Variants in DPF3 observed in about 807,000 individuals in gnomAD.
DPF3 encodes the protein zinc finger protein DPF3.
A neutral mutation model predicts 56.8 loss-of-function variants in DPF3; 18 were observed. The observed-to-expected ratio is 0.32, with a 90% confidence interval of 0.22 to 0.47. The LOEUF (loss-of-function observed/expected upper bound fraction) is 0.47. DPF3 is among the 20% of genes least tolerant of loss of function. DPF3 has a pLI of 1.00. For synonymous variants in DPF3, 188 were observed against 180.2 expected (o/e 1.04, Z -0.35); for missense variants, 403 against 488.8 (o/e 0.82, Z 1.65).
chr14:72,801,965 T>C (rs972165997), intron 1 of DPF3, among the ~76,000 whole-genome samples: 1 of 152,180 alleles, frequency 6.6e-6, no homozygotes, highest in African/African-American at 2.4e-5. Context: ...TGGGGATTGA[T>C]ACCACCCCTG....
chr14:72,703,442 C>G (rs1030781019), intron 6 of DPF3, among the ~76,000 whole-genome samples: 1 of 152,168 alleles, frequency 6.6e-6, no homozygotes, highest in African/African-American at 2.4e-5. Flanking sequence ...TGAGGAAGAA[C>G]AGAGACAAGC....
At chr14:72,685,488 TC>T (rs1183625595) in intron 7 of DPF3, among the ~76,000 whole-genome samples, 2 of 152,226 alleles carry the variant, frequency 1.3e-5, no homozygotes, top group African/African-American at 4.8e-5. Context: ...TTTCCCTCTT[TC>T]CTCTTCTACG....
At chr14:72,739,872 G>A (rs75394719) in intron 3 of DPF3, among the ~76,000 whole-genome samples, 5 of 152,146 alleles carry the variant, frequency 3.3e-5, no homozygotes, top group East Asian at 1.9e-4. Flanking sequence ...CAAAAATCCC[G>A]GCCCTCATAG....
intron 1 of DPF3, among the ~76,000 whole-genome samples, chr14:72,833,821 T>C (rs564021765): frequency 6.6e-6 from 1 of 152,212 alleles, no homozygotes; most frequent in East Asian, 1.9e-4. Flanking sequence ...ACAGAAAACA[T>C]ACAAATGGCC....
intron 9 of DPF3, among the ~76,000 whole-genome samples, chr14:72,623,777 A>G (rs112440098): frequency 0.014 from 2,105 of 152,332 alleles, 54 homozygotes; most frequent in African/African-American, 0.047. Context: ...AGTGCTCCAA[A>G]ACAATGACTA....
intron 5 of DPF3, among the ~76,000 whole-genome samples, chr14:72,721,814 G>A (rs1889184636): frequency 6.6e-6 from 1 of 152,040 alleles, no homozygotes; most frequent in Non-Finnish European, 1.5e-5. Flanking sequence ...CAGTTTTCAG[G>A]AAACACAGAG....
intron 1 of DPF3, among the ~76,000 whole-genome samples, chr14:72,854,937 T>A (rs947769968): frequency 6.6e-6 from 1 of 152,208 alleles, no homozygotes; most frequent in African/African-American, 2.4e-5. Flanking sequence ...TGCCCTCTCC[T>A]TTCCAAGACT....
chr14:72,804,228 GA>G (rs1893001456), intron 1 of DPF3, among the ~76,000 whole-genome samples: 6 of 132,346 alleles, frequency 4.5e-5, no homozygotes, highest in African/African-American at 9.1e-5. Context: ...CACACACGCA[GA>G]CAAAGATTCC....
Position 72,615,669 on chromosome 14 carries a change from G to A in DPF3, c.*3628C>T, listed in dbSNP as rs761799107. 3.3e-5 allele frequency among the ~76,000 whole-genome samples: 5 copies of A among 152,190 alleles called. No individual in the cohort carries two copies. Among genetic ancestry groups the A allele is most frequent in the Admixed American group, 6.5e-5 (1 of 15,280 alleles). On this transcript the variant is annotated 3_prime_UTR_variant, in exon 11 of 11. Transcript: ENST00000556509. ...CTGGGCTCAGCCTGCCCAGGCTTCC[G>A]GCTTCCTACCTCGCCCTGGGGCAGG...
chr14:72,774,264 A>G (rs1365678731), intron 1 of DPF3, among the ~76,000 whole-genome samples: 3 of 78,712 alleles, frequency 3.8e-5, no homozygotes, highest in African/African-American at 1.5e-4. Flanking sequence ...ACTCTGTCTA[A>G]AAAAAAAAAA....
chr14:72,855,177 C>T (rs531598621), intron 1 of DPF3, among the ~76,000 whole-genome samples: 35 of 152,256 alleles, frequency 2.3e-4, no homozygotes, highest in African/African-American at 8.4e-4. Flanking sequence ...GTGACGATCA[C>T]GCCTATTTAC....
intron 1 of DPF3, among the ~76,000 whole-genome samples, chr14:72,847,504 C>A (rs1884805549): frequency 6.6e-6 from 1 of 152,010 alleles, no homozygotes; most frequent in South Asian, 2.1e-4. Flanking sequence ...ATTCTCCTTT[C>A]TATTTTTTTT....
intron 6 of DPF3, among the ~76,000 whole-genome samples, chr14:72,703,321 C>T (rs1368014818): frequency 6.6e-6 from 1 of 152,134 alleles, no homozygotes; most frequent in Non-Finnish European, 1.5e-5. Flanking sequence ...TTCACAGCCA[C>T]ATTTCTTGGG....
At chr14:72,874,464 G>T in intron 1 of DPF3, among the ~76,000 whole-genome samples, 1 of 151,040 alleles carries the variant, frequency 6.6e-6, no homozygotes, top group Admixed American at 6.6e-5. Flanking sequence ...AGGCAACAGA[G>T]CAAGACTCCG....
intron 6 of DPF3, among the ~76,000 whole-genome samples, chr14:72,700,930 G>A (rs1291156018): frequency 1.3e-5 from 2 of 152,224 alleles, no homozygotes; most frequent in African/African-American, 2.4e-5. Context: ...CCAACAAAGA[G>A]AATAAACCCC....
At chr14:72,720,381 C>A (rs747340359) in intron 5 of DPF3, among the ~76,000 whole-genome samples, 1 of 152,196 alleles carries the variant, frequency 6.6e-6, no homozygotes, top group Non-Finnish European at 1.5e-5. Context: ...TGAACTGAGG[C>A]TGTGAGTGCA....
At chr14:72,686,701 T>G (rs1331924944) in intron 7 of DPF3, among the ~76,000 whole-genome samples, 5 of 152,240 alleles carry the variant, frequency 3.3e-5, no homozygotes, top group Non-Finnish European at 5.9e-5. Context: ...TGTTACTAGT[T>G]TCCAAATTTA....
At chr14:72,730,972 A>G (rs1034995842) in intron 4 of DPF3, among the ~76,000 whole-genome samples, 1 of 152,120 alleles carries the variant, frequency 6.6e-6, no homozygotes, top group Non-Finnish European at 1.5e-5. Flanking sequence ...GTTTGAGACC[A>G]GCCTGGCCAA....
At chr14:72,764,551 C>T (rs1181267618) in intron 2 of DPF3, among the ~76,000 whole-genome samples, 1 of 122,110 alleles carries the variant, frequency 8.2e-6, no homozygotes, top group African/African-American at 3.1e-5. Context: ...TGCAGTGGCA[C>T]GAACTCGGCT....
Sources: gnomAD v4.1 joint callset for allele counts (sites outside exome capture counted in the v4.1 genomes callset) on GRCh38, gnomAD v4.1.1 for gene constraint, MANE v1.5 for transcripts, NCBI Gene and HGNC (gene_info 2026-07-23, HGNC 2026-07-21) for gene names.